Variants in NENF observed in about 807,000 individuals in gnomAD.
NENF encodes neudesin.
NENF carries 6 observed loss-of-function variants against 14.8 expected under a neutral mutation model. The ratio of observed to expected loss-of-function variants is 0.40; its 90% CI spans 0.22 to 0.80. The LOEUF is 0.80. NENF is among the 30% of genes least tolerant of loss of function. NENF has a pLI of 0.34. For synonymous variants in NENF, 76 were observed against 95.1 expected, an observed-to-expected ratio of 0.80 and a Z score of 1.17; for missense variants, 184 against 212.7, an observed-to-expected ratio of 0.87 and a Z score of 0.84.
At position 212,439,403 on chromosome 1, in the gene NENF, A is replaced by G. The variant is rs370915387; in HGVS notation, c.178-3162A>G. 2.7e-5 allele frequency among the ~76,000 whole-genome samples: 4 copies of G among 150,706 alleles called. No homozygotes were observed. The East Asian group carries it at 7.8e-4, about 30-fold the overall frequency. ...CAAAAAAAAAAAAAATTAGCCAAGC[A>G]TGGTGGCACACGTCTGTAATCCCAG... On this transcript the variant is annotated intron_variant, in intron 1 of 3. Transcript: ENST00000366988.
chr1:212,442,397 C>T lies in NENF; in HGVS notation c.178-168C>T, dbSNP rs111627029. 582 of 607,302 alleles carry T rather than the reference C, an allele frequency of 9.6e-4. 4 individuals carry two copies. Among genetic ancestry groups the T allele is most frequent in the African/African-American group, 8.9e-3 (479 of 54,054 alleles). The allele number at this position is 607,302 out of a possible 1,614,324, so 37.6% of individuals were successfully genotyped here. On this transcript the variant is annotated intron_variant, in intron 1 of 3. Coordinates refer to ENST00000366988, the MANE Select transcript of NENF (RefSeq NM_013349.5). ...TCCAAATTTCTGTGTGCGGGCATGA[C>T]GCTGCCCAGGCAGGTGGCAAGCTCG... is the stretch of plus-strand genomic sequence containing the variant.
At chr1:212,439,250 T>C (rs1662660342) in intron 1 of NENF, among the ~76,000 whole-genome samples, 1 of 152,012 alleles carries the variant, frequency 6.6e-6, no homozygotes, top group Non-Finnish European at 1.5e-5. Flanking sequence ...AAAAAGGAGA[T>C]TGCTGGGTGC....
chr1:212,439,808 C>T (rs574414638), intron 1 of NENF, among the ~76,000 whole-genome samples: 36 of 151,746 alleles, frequency 2.4e-4, no homozygotes, highest in African/African-American at 7.5e-4. Flanking sequence ...TGCAGTGAGC[C>T]GAGATTGTGC....
At chr1:212,435,886 C>A (rs951920274) in intron 1 of NENF, among the ~76,000 whole-genome samples, 2 of 152,102 alleles carry the variant, frequency 1.3e-5, no homozygotes, top group Non-Finnish European at 2.9e-5. Flanking sequence ...CCACAAGACC[C>A]AAGAACATAG....
chr1:212,438,193 C>T (rs972273492), intron 1 of NENF, among the ~76,000 whole-genome samples: 12 of 152,118 alleles, frequency 7.9e-5, no homozygotes, highest in South Asian at 2.1e-4. Flanking sequence ...CTTTCTTTGG[C>T]GCTTGTTTTC....
chr1:212,437,511 CT>C lies in NENF; in HGVS notation c.177+4393del, dbSNP rs1179907091. 3.3e-5 allele frequency among the ~76,000 whole-genome samples: 5 copies of C among 152,050 alleles called. No individual in the cohort carries two copies. In the South Asian group the frequency reaches 1.0e-3, roughly 32 times the overall value. On this transcript the variant is annotated intron_variant, in intron 1 of 3. Transcript: ENST00000366988. ...GAAACATCTAGCAATGAGTGACTTG[CT>C]TCTACTAGATATAAAAAAACCTTCT...
At chr1:212,436,554 C>G (rs563439073) in intron 1 of NENF, among the ~76,000 whole-genome samples, 7 of 152,080 alleles carry the variant, frequency 4.6e-5, no homozygotes, top group African/African-American at 7.2e-5. Flanking sequence ...GTGATCCACC[C>G]GTCTCAGCCT....
At chr1:212,442,430 C>A (rs919114553) in intron 1 of NENF, 135 bp from the exon 2 acceptor site, 8 of 701,374 alleles carry the variant, frequency 1.1e-5, no homozygotes, top group Admixed American at 2.3e-5. Flanking sequence ...TCGCCAAGGA[C>A]CAGGCTTAAC....
intron 1 of NENF, among the ~76,000 whole-genome samples, chr1:212,439,873 A>T (rs1662673984): frequency 6.6e-6 from 1 of 151,764 alleles, no homozygotes; most frequent in South Asian, 2.1e-4. Flanking sequence ...CCCACAAAAA[A>T]AGAAAAGAGT....
chr1:212,442,396 A>G (rs1662712457), intron 1 of NENF, 169 bp from the exon 2 acceptor site: 1 of 608,734 alleles, frequency 1.6e-6, no homozygotes, highest in Non-Finnish European at 3.0e-6. Flanking sequence ...TGCGGGCATG[A>G]CGCTGCCCAG....
intron 1 of NENF, chr1:212,435,084 A>G (rs1335559444): frequency 6.6e-6 from 1 of 152,220 alleles, no homozygotes; most frequent in Non-Finnish European, 1.5e-5. Flanking sequence ...ATAATTATTA[A>G]TAACACCCTT....
chr1:212,442,899 G>T (rs768069592), intron 2 of NENF, among the ~76,000 whole-genome samples: 1 of 151,872 alleles, frequency 6.6e-6, no homozygotes, highest in Non-Finnish European at 1.5e-5. Context: ...CACCACCACC[G>T]CTGGCTAATT....
chr1:212,445,951 A>T lies in NENF; in HGVS notation c.464A>T (p.Asn155Ile). The T allele has an allele frequency of 6.2e-7, 1 of 1,614,182 alleles. No homozygotes were observed. The highest frequency in any genetic ancestry group is 1.1e-5 in the South Asian group (1 of 91,082). Residue 155 changes from asparagine to isoleucine, a missense_variant, in exon 4 of 4, where the codon AAC becomes ATC. Coordinates refer to ENST00000366988, the MANE Select transcript of NENF (RefSeq NM_013349.5). ...RRILNEDGSP[N>I]LDFKPEDQPH... ...ATTCTCAATGAGGATGGCAGCCCTAACCTGGACTTCAAGCCTGAAGACCAG... is the reference window on the plus strand; with the variant it reads ...ATTCTCAATGAGGATGGCAGCCCTATCCTGGACTTCAAGCCTGAAGACCAG...
intron 1 of NENF, among the ~76,000 whole-genome samples, chr1:212,438,164 G>A (rs1662638188): frequency 6.6e-6 from 1 of 152,154 alleles, no homozygotes; most frequent in Admixed American, 6.5e-5. Context: ...GGAAAAAAAG[G>A]TAGTGTGTTC....
At chr1:212,445,752 C>T in intron 3 of NENF, 78 bp from the exon 4 acceptor site, 1 of 1,415,316 alleles carries the variant, frequency 7.1e-7, no homozygotes, top group Non-Finnish European at 9.7e-7. Flanking sequence ...GGAGGCAAGG[C>T]AGGGATGGAG....
chr1:212,445,254 C>CA (rs200063685), intron 3 of NENF, among the ~76,000 whole-genome samples: 38,209 of 142,046 alleles, frequency 0.27, 5,035 homozygotes, highest in African/African-American at 0.31. Flanking sequence ...GACTCCATCT[C>CA]AAAAAAAAAA....
rs962495103 is a variant in NENF, at chr1:212,433,001, C to T, written c.58C>T (p.Leu20=). 3.5e-6 allele frequency: 4 copies of T among 1,154,754 alleles called. No individual in the cohort carries two copies. In the Admixed American group the frequency reaches 1.9e-4, roughly 54 times the overall value. 71.5% of individuals were successfully genotyped at this position (1,154,754 alleles called of 1,614,324 possible). A position where few individuals can be genotyped will look rare whatever the true frequency, so the allele number is the denominator to read the frequency against. The change falls in exon 1 of 4, where the codon CTG becomes TTG. Residue 20 remains leucine, a synonymous_variant. Transcript: ENST00000366988. This position sits in a 1 kb window ranked among gnomAD's most constrained non-coding sequence, Gnocchi z 5.5. ...GCCGCTGGCAGCGCTGGCCCTGGTC[C>T]TGGCGCTGGCCCCGGGGCTGCCCAC... ...LRPLAALALV[L]ALAPGLPTAR...
At chr1:212,434,010 A>G (rs1571699462) in intron 1 of NENF, among the ~76,000 whole-genome samples, 4 of 152,280 alleles carry the variant, frequency 2.6e-5, no homozygotes, top group African/African-American at 9.6e-5. Context: ...AAGAGGCCTG[A>G]TGTTTTTCAA....
chr1:212,438,086 G>A (rs945272693), intron 1 of NENF, among the ~76,000 whole-genome samples: 2 of 152,150 alleles, frequency 1.3e-5, no homozygotes, highest in Admixed American at 6.5e-5. Flanking sequence ...CAGAAGAGGT[G>A]ATTTTGAGGA....
Sources: allele counts gnomAD v4.1 joint callset (sites outside exome capture counted in the v4.1 genomes callset), GRCh38; gene constraint gnomAD v4.1.1; non-coding constraint Gnocchi (gnomAD v3.1); transcripts MANE v1.5; gene names NCBI Gene and HGNC (gene_info 2026-07-23, HGNC 2026-07-21).